The following LRP1B variants were observed in gnomAD, a reference collection of about 807,000 sequenced individuals.
LRP1B encodes the protein LDL receptor related protein 1B.
A neutral mutation model predicts 556.6 loss-of-function variants in LRP1B; 217 were observed. The observed-to-expected ratio is 0.39, with a 90% confidence interval of 0.35 to 0.44. The LOEUF is 0.44. Ranked by LOEUF, LRP1B falls within the 20% of genes least tolerant of loss-of-function variation. The pLI is 1.00. For synonymous variants in LRP1B, 2,047 were observed against 1,865.8 expected, an observed-to-expected ratio of 1.10 and a Z score of -2.50; for missense variants, 5,053 against 5,620.8, an observed-to-expected ratio of 0.90 and a Z score of 3.23.
chr2:141,923,063 C>T (rs1017203118), intron 1 of LRP1B, among the ~76,000 whole-genome samples: 3 of 151,880 alleles, frequency 2.0e-5, no homozygotes, highest in Admixed American at 2.0e-4. Flanking sequence ...TGTACCACTG[C>T]ACTCCAGCCT....
At chr2:142,007,062 G>A (rs988677417) in intron 1 of LRP1B, among the ~76,000 whole-genome samples, 23 of 151,904 alleles carry the variant, frequency 1.5e-4, no homozygotes, top group Admixed American at 7.9e-4. Flanking sequence ...AGACCATCCC[G>A]ACAAAACAAG....
intron 20 of LRP1B, among the ~76,000 whole-genome samples, chr2:140,923,588 T>C (rs1175459953): frequency 1.3e-5 from 2 of 152,046 alleles, no homozygotes; most frequent in African/African-American, 4.8e-5. Context: ...TTTCAAATTA[T>C]TAAGAAGCAA....
intron 27 of LRP1B, among the ~76,000 whole-genome samples, chr2:140,866,222 A>G (rs1692946491): frequency 6.6e-6 from 1 of 152,120 alleles, no homozygotes; most frequent in Admixed American, 6.6e-5. Flanking sequence ...TTCATATCTT[A>G]TAAGTGCTTG....
intron 60 of LRP1B, among the ~76,000 whole-genome samples, chr2:140,462,704 A>G (rs571644662): frequency 6.6e-6 from 1 of 152,324 alleles, no homozygotes; most frequent in East Asian, 1.9e-4. Flanking sequence ...GAAGAGGGCA[A>G]AGAGGCAAAG....
At chr2:140,309,908 G>A (rs1379991258) in intron 83 of LRP1B, among the ~76,000 whole-genome samples, 2 of 139,312 alleles carry the variant, frequency 1.4e-5, no homozygotes, top group Non-Finnish European at 3.2e-5. Flanking sequence ...ACAATCAAAT[G>A]TTCTCACTTC....
At chr2:140,383,742 C>CAT (rs1683639459) in intron 67 of LRP1B, among the ~76,000 whole-genome samples, 1 of 152,172 alleles carries the variant, frequency 6.6e-6, no homozygotes, top group African/African-American at 2.4e-5. Flanking sequence ...TAAAATACTT[C>CAT]ATTCTTGTTC....
intron 60 of LRP1B, among the ~76,000 whole-genome samples, chr2:140,467,778 A>G (rs78793056): frequency 0.015 from 2,333 of 152,244 alleles, 61 homozygotes; most frequent in African/African-American, 0.051. Context: ...AATAAAATAG[A>G]ATATCTGCCA....
intron 3 of LRP1B, among the ~76,000 whole-genome samples, chr2:141,335,933 G>A (rs1023042302): frequency 7.9e-5 from 12 of 152,020 alleles, no homozygotes; most frequent in Admixed American, 2.6e-4. Flanking sequence ...GATTGACTTC[G>A]TTAAAATAAT....
chr2:140,544,951 G>C (rs947249584), intron 43 of LRP1B, among the ~76,000 whole-genome samples: 1 of 151,932 alleles, frequency 6.6e-6, no homozygotes, highest in Admixed American at 6.6e-5. Flanking sequence ...AACCTTGGCA[G>C]CATCTGTTAC....
At chr2:140,529,188 T>G (rs1468331944) in intron 47 of LRP1B, among the ~76,000 whole-genome samples, 1 of 152,022 alleles carries the variant, frequency 6.6e-6, no homozygotes, top group Admixed American at 6.6e-5. Flanking sequence ...GAAGAAGATC[T>G]GTCAGGGATT....
chr2:140,595,005 C>T (rs1271053126), intron 43 of LRP1B, among the ~76,000 whole-genome samples: 1 of 148,434 alleles, frequency 6.7e-6, no homozygotes, highest in Non-Finnish European at 1.5e-5. Context: ...TTCTTCAGTG[C>T]CTTTTACAGT....
At chr2:141,132,501 T>TA (rs934070461) in intron 7 of LRP1B, among the ~76,000 whole-genome samples, 6 of 151,740 alleles carry the variant, frequency 4.0e-5, no homozygotes, top group East Asian at 1.9e-4. Context: ...AACTGAGATC[T>TA]AAAAAAAACC....
chr2:140,483,375 A>G lies in LRP1B; in HGVS notation c.9425+1968T>C, dbSNP rs113835062. Among the ~76,000 whole-genome samples, 18 of 151,868 alleles carry G rather than the reference A, an allele frequency of 1.2e-4. 1 individual carries two copies. Among genetic ancestry groups the G allele is most frequent in the African/African-American group, 4.3e-4 (18 of 41,470 alleles). On this transcript the variant is annotated intron_variant, in intron 59 of 90. Transcript: ENST00000389484. ...GGAGAAATAAAACCTAAAGCTATTAATAGATTCAGCTGCATTCACTAGAAT... is the reference window on the plus strand; with the variant it reads ...GGAGAAATAAAACCTAAAGCTATTAGTAGATTCAGCTGCATTCACTAGAAT...
intron 2 of LRP1B, among the ~76,000 whole-genome samples, chr2:141,588,089 CTCTTTT>C (rs149081705): frequency 0.025 from 3,735 of 152,242 alleles, 140 homozygotes; most frequent in African/African-American, 0.086. Flanking sequence ...TTTGCTAACT[CTCTTTT>C]TCTTAACATA....
intron 7 of LRP1B, among the ~76,000 whole-genome samples, chr2:141,131,407 T>TATATATATATATATATATA (rs1701349269): frequency 9.0e-6 from 1 of 110,684 alleles, no homozygotes; most frequent in Non-Finnish European, 1.8e-5. Context: ...ATGCATAAAG[T>TATATATATATATATATATA]TATATATATA....
At chr2:140,610,582 T>C (rs1683035642) in intron 41 of LRP1B, among the ~76,000 whole-genome samples, 1 of 152,192 alleles carries the variant, frequency 6.6e-6, no homozygotes, top group Admixed American at 6.5e-5. Context: ...TTCTGTATTT[T>C]TTAAAAATAT....
chr2:140,672,430 G>A (rs1408330361), intron 41 of LRP1B, among the ~76,000 whole-genome samples: 1 of 138,956 alleles, frequency 7.2e-6, no homozygotes, highest in Non-Finnish European at 1.5e-5. Flanking sequence ...GTTGCAGTGA[G>A]CAGAAATCGC....
intron 1 of LRP1B, among the ~76,000 whole-genome samples, chr2:142,070,221 G>C (rs148155271): frequency 3.4e-3 from 514 of 151,844 alleles, no homozygotes; most frequent in Middle Eastern, 0.01. Context: ...TCTTATAAGA[G>C]AGAAGGAAAA....
At chr2:141,485,694 C>T (rs1283040683) in intron 2 of LRP1B, among the ~76,000 whole-genome samples, 2 of 152,058 alleles carry the variant, frequency 1.3e-5, no homozygotes, top group Non-Finnish European at 2.9e-5. Flanking sequence ...AGATTCTGTC[C>T]ATCCTGTAAA....
Sources: gnomAD v4.1 joint callset for allele counts (sites outside exome capture counted in the v4.1 genomes callset) on GRCh38, gnomAD v4.1.1 for gene constraint, MANE v1.5 for transcripts, NCBI Gene and HGNC (gene_info 2026-07-23, HGNC 2026-07-21) for gene names.